DNAH10: variants seen among roughly 807,000 people sequenced by gnomAD.
DNAH10 encodes the protein axonemal beta dynein heavy chain 10.
A neutral mutation model predicts 506.6 loss-of-function variants in DNAH10; 348 were observed. That is an observed-to-expected ratio of 0.69 (90% confidence interval 0.63 to 0.75). The LOEUF (loss-of-function observed/expected upper bound fraction) is 0.75. Ranked by LOEUF, DNAH10 falls within the 30% of genes least tolerant of loss-of-function variation. DNAH10 has a pLI of 0.00. For synonymous variants in DNAH10, 2,059 were observed against 2,198.6 expected (o/e 0.94, Z 1.78); for missense variants, 5,179 against 5,787.1 (o/e 0.89, Z 3.41).
rs991576943 is a variant in DNAH10 at position 123,833,347 on chromosome 12, G to A, written c.4779G>A (p.Glu1593=). The change falls in exon 27 of 79, where the codon GAG becomes GAA. Residue 1593 remains glutamate, a splice_region_variant and synonymous_variant. Coordinates refer to ENST00000673944, the MANE Select transcript of DNAH10 (RefSeq NM_001372106.1). ...KTLSLIGEVI[E]IWMLVQRKWM... ...TTTCTCTAATAGGGGAAGTCATTGA[G>A]GTGAGAGAAAAGATGAACAAAAGAT... 1 of 1,606,498 alleles carries A rather than the reference G, an allele frequency of 6.2e-7. No homozygotes were observed. The highest frequency in any genetic ancestry group is 2.2e-5 in the East Asian group (1 of 44,808).
At chr12:123,858,954 G>A (rs1398218951) in intron 37 of DNAH10, among the ~76,000 whole-genome samples, 196 bp from the exon 38 acceptor site, 2 of 152,078 alleles carry the variant, frequency 1.3e-5, no homozygotes, top group Non-Finnish European at 2.9e-5. Flanking sequence ...TGGGTACAGG[G>A]TTTTTTGTGG....
intron 54 of DNAH10, among the ~76,000 whole-genome samples, chr12:123,896,111 T>TCACACA (rs112187635): frequency 0.097 from 4,715 of 48,450 alleles, 571 homozygotes; most frequent in East Asian, 0.25. Context: ...AGACTTTATC[T>TCACACA]CACACACACA....
chr12:123,932,480 AT>A (rs11372935), intron 76 of DNAH10: 3,616 of 153,284 alleles, frequency 0.024, 2 homozygotes, highest in South Asian at 0.04. Context: ...GGTGGTTACC[AT>A]TTTTTTTTTT....
At chr12:123,829,333 C>T (rs528780669) in intron 25 of DNAH10, among the ~76,000 whole-genome samples, 1 of 151,974 alleles carries the variant, frequency 6.6e-6, no homozygotes, top group East Asian at 1.9e-4. Context: ...CTTCCAACGT[C>T]AAAAAGGCCA....
intron 21 of DNAH10, among the ~76,000 whole-genome samples, chr12:123,817,949 CT>C (rs369200478): frequency 0.015 from 2,027 of 138,250 alleles, 13 homozygotes; most frequent in Middle Eastern, 0.042. Context: ...TTCTTTTTCT[CT>C]TTTTTTTTTT....
chr12:123,884,001 C>A (rs981212975), intron 51 of DNAH10, among the ~76,000 whole-genome samples: 1 of 152,176 alleles, frequency 6.6e-6, no homozygotes, highest in Non-Finnish European at 1.5e-5. Context: ...GGGTCATTTT[C>A]ATGACTCTTC....
intron 51 of DNAH10, among the ~76,000 whole-genome samples, chr12:123,885,439 A>G (rs1457017364): frequency 6.6e-6 from 1 of 152,072 alleles, no homozygotes; most frequent in Non-Finnish European, 1.5e-5. Flanking sequence ...AGTGATGAAC[A>G]CCTTTGTTTA....
At chr12:123,801,474 G>T (rs1958480958) in intron 16 of DNAH10, 42 bp downstream of exon 16, 1 of 1,589,866 alleles carries the variant, frequency 6.3e-7, no homozygotes, top group Non-Finnish European at 8.6e-7. Context: ...GACTTGGGAT[G>T]CAAAGTAATT....
chr12:123,831,536 G>C (rs1218497321), intron 26 of DNAH10, among the ~76,000 whole-genome samples: 1 of 152,162 alleles, frequency 6.6e-6, no homozygotes, highest in Non-Finnish European at 1.5e-5. Context: ...GTACAGCAAG[G>C]AACTACATTG....
At chr12:123,899,336 G>A (rs1953408755) in intron 56 of DNAH10, among the ~76,000 whole-genome samples, 1 of 152,100 alleles carries the variant, frequency 6.6e-6, no homozygotes, top group South Asian at 2.1e-4. Flanking sequence ...ACAGCTCTGT[G>A]CCTGGCCTCT....
chr12:123,814,585 T>G (rs1959070269), intron 21 of DNAH10, among the ~76,000 whole-genome samples: 1 of 152,050 alleles, frequency 6.6e-6, no homozygotes, highest in Non-Finnish European at 1.5e-5. Context: ...TTCTCTAGTT[T>G]GTATTTCTCC....
rs1358560230 is a variant in DNAH10, at chr12:123,917,578, C to T, written c.11003-6C>T. ...GGTGGTGAGGGCCTCTCACTGTCCC[C>T]CACAGTCACGCTGAAGGGCCTGGAG... is the stretch of plus-strand genomic sequence containing the variant. On this transcript the variant is annotated splice_polypyrimidine_tract_variant and splice_region_variant and intron_variant, in intron 63 of 78. Coordinates refer to ENST00000673944, the MANE Select transcript of DNAH10 (RefSeq NM_001372106.1). This position sits in a 1 kb window ranked among gnomAD's most constrained non-coding sequence, Gnocchi z 5.6. 1 of 1,550,810 alleles carries T rather than the reference C, an allele frequency of 6.4e-7. No individual in the cohort carries two copies. The highest frequency in any genetic ancestry group is 8.7e-7 in the Non-Finnish European group (1 of 1,146,876).
chr12:123,840,815 A>G (rs1950747433), intron 29 of DNAH10, among the ~76,000 whole-genome samples: 1 of 152,174 alleles, frequency 6.6e-6, no homozygotes, highest in Non-Finnish European at 1.5e-5. Flanking sequence ...GTGTTTAACA[A>G]CATGCCAGCA....
chr12:123,890,329 G>A (rs1021514278), intron 52 of DNAH10, among the ~76,000 whole-genome samples: 11 of 151,860 alleles, frequency 7.2e-5, no homozygotes, highest in African/African-American at 2.4e-4. Context: ...AGAATGCAGC[G>A]GCATGATCAT....
At chr12:123,800,466 G>A in intron 15 of DNAH10, 78 bp downstream of exon 15, 1 of 1,319,484 alleles carries the variant, frequency 7.6e-7, no homozygotes. Context: ...AATTATTGAG[G>A]ACCCCTCCAA....
Position 123,918,922 on chromosome 12 carries a change from T to C in DNAH10, c.11479T>C (p.Phe3827Leu), listed in dbSNP as rs1414656403. Residue 3827 changes from phenylalanine to leucine, a missense_variant, in exon 65 of 79, where the codon TTC becomes CTC. Phe to Leu is a conservative substitution (Grantham distance 22). Coordinates refer to ENST00000673944, the MANE Select transcript of DNAH10 (RefSeq NM_001372106.1). ...RLRNIMDTLT[F>L]SIYNHGCTGL... ...GAGGAACATCATGGACACGCTGACC[T>C]TCAGCATCTATAACCACGGCTGCAC... 1.9e-6 allele frequency: 3 copies of C among 1,613,252 alleles called. No homozygotes were observed. The highest frequency in any genetic ancestry group is 2.5e-6 in the Non-Finnish European group (3 of 1,179,630).
At position 123,762,477 on chromosome 12, in the gene DNAH10, G is replaced by A. The variant is rs1377511124; in HGVS notation, c.141G>A (p.Ala47=). The A allele has an allele frequency of 7.3e-6, 11 of 1,507,340 alleles. No individual in the cohort carries two copies. The highest frequency in any genetic ancestry group is 9.8e-6 in the Non-Finnish European group (11 of 1,123,752). The allele number at this position is 1,507,340 out of a possible 1,614,324, so 93.4% of individuals were successfully genotyped here. ...EDLILHFLNQ[A]SEEEGPSALF... is the part of the protein sequence containing the mutation. Reference sequence around the variant, plus strand: ...TCATCTTGCACTTCCTCAACCAGGCGAGCGAGGAGGAGGGGCCCTCGGCGC... The same window carrying A: ...TCATCTTGCACTTCCTCAACCAGGCAAGCGAGGAGGAGGGGCCCTCGGCGC... Residue 47 remains alanine (A), a synonymous_variant, in exon 1 of 79, where the codon GCG becomes GCA. Coordinates refer to ENST00000673944, the MANE Select transcript of DNAH10 (RefSeq NM_001372106.1). This position sits in a 1 kb window ranked among gnomAD's most constrained non-coding sequence, Gnocchi z 5.0.
intron 18 of DNAH10, among the ~76,000 whole-genome samples, chr12:123,808,135 C>G (rs1009856051): frequency 1.3e-5 from 2 of 152,152 alleles, no homozygotes; most frequent in African/African-American, 4.8e-5. Flanking sequence ...CTGTCTCAAG[C>G]AATTCTCCCA....
intron 2 of DNAH10, among the ~76,000 whole-genome samples, chr12:123,770,599 G>A (rs1208560073): frequency 1.3e-5 from 2 of 150,826 alleles, no homozygotes; most frequent in African/African-American, 4.9e-5. Context: ...GCCCTTACCC[G>A]TGCTGTCATT....
Sources: allele counts gnomAD v4.1 joint callset (sites outside exome capture counted in the v4.1 genomes callset), GRCh38; gene constraint gnomAD v4.1.1; non-coding constraint Gnocchi (gnomAD v3.1); transcripts MANE v1.5; gene names NCBI Gene and HGNC (gene_info 2026-07-23, HGNC 2026-07-21).